The following DUS2 variants were observed in gnomAD, a reference collection of about 807,000 sequenced individuals.
DUS2 encodes the protein dihydrouridine synthase 2.
DUS2 carries 52 observed loss-of-function variants against 71.3 expected under a neutral mutation model. The ratio of observed to expected loss-of-function variants is 0.73; its 90% CI spans 0.58 to 0.92. The LOEUF is 0.92. Ranked by LOEUF, DUS2 falls within the 40% of genes least tolerant of loss-of-function variation. The pLI, the probability that DUS2 is intolerant of heterozygous loss-of-function variation, is 0.00. For missense variants in DUS2, 558 were observed against 622.6 expected (o/e 0.90, Z 1.10); for synonymous variants, 204 against 227.8 (o/e 0.90, Z 0.94).
At chr16:68,030,948 T>C (rs2033428365) in intron 2 of DUS2, among the ~76,000 whole-genome samples, 1 of 152,106 alleles carries the variant, frequency 6.6e-6, no homozygotes, top group Non-Finnish European at 1.5e-5. Flanking sequence ...CTTGCTATGT[T>C]GCCCAGGCTG....
intron 8 of DUS2, among the ~76,000 whole-genome samples, chr16:68,061,653 A>G (rs1282054623): frequency 2.0e-5 from 3 of 152,190 alleles, no homozygotes; most frequent in Admixed American, 2.0e-4. Flanking sequence ...GTGATTCTGT[A>G]GGCTAGCTTA....
At chr16:68,054,012 TA>T (rs2033815548) in intron 5 of DUS2, 2 of 213,540 alleles carry the variant, frequency 9.4e-6, no homozygotes, top group African/African-American at 4.6e-5. Flanking sequence ...CATAGAAAAA[TA>T]TTAGGATTTT....
In DUS2 at chr16:68,075,485, A is replaced by G. The variant is rs1034878356; in HGVS notation, c.1063A>G (p.Met355Val). 6.2e-7 allele frequency: 1 copy of G among 1,612,664 alleles called. No homozygotes were observed. The highest frequency in any genetic ancestry group is 1.7e-5 in the Admixed American group (1 of 59,858). The change falls in exon 14 of 17, where the codon ATG (methionine) becomes GTG (valine). Residue 355 changes from methionine (M) to valine (V), a missense_variant. Transcript: ENST00000565263. ...PAEDTSGVIK[M>V]AVKFDRRAYP... ...TGAAGATACCTCTGGTGTCATTAAG[A>G]TGGCTGTCAAGTTTGACCGGTAGGT...
chr16:68,023,526 C>T, intron 1 of DUS2, 175 bp downstream of exon 1: 1 of 369,064 alleles, frequency 2.7e-6, no homozygotes, highest in East Asian at 5.3e-5. Flanking sequence ...CTGGGATTCT[C>T]TTTAGTTGTT....
At chr16:68,076,854 G>A (rs2034165215) in intron 15 of DUS2, 135 bp downstream of exon 15, 3 of 590,016 alleles carry the variant, frequency 5.1e-6, no homozygotes, top group Admixed American at 6.4e-5. Context: ...GGCCAGGTCA[G>A]TTGCTGATAG....
chr16:68,058,116 A>C (rs1347777574), intron 7 of DUS2, among the ~76,000 whole-genome samples: 1 of 151,894 alleles, frequency 6.6e-6, no homozygotes, highest in African/African-American at 2.4e-5. Context: ...GAGTAGCCCG[A>C]TTTGACCAGA....
chr16:68,049,247 G>A (rs2418740), intron 3 of DUS2, among the ~76,000 whole-genome samples: 5,849 of 152,186 alleles, frequency 0.038, 370 homozygotes, highest in African/African-American at 0.13. Flanking sequence ...TTGTCTTTCT[G>A]GCTAAGTGGT....
In DUS2 at chr16:68,061,022, G is replaced by GCC. The variant is rs753703445; in HGVS notation, c.370-44_370-43insCC. On this transcript the variant is annotated intron_variant, in intron 7 of 16. Transcript: ENST00000565263. ...ACCCCATCCCATGGAGAGGGCCATA[G>GCC]TGTCTCCCAGATGTAAGAAGACCTT... 2.5e-6 allele frequency: 4 copies of GCC among 1,601,188 alleles called. No individual in the cohort carries two copies. In the Admixed American group the frequency reaches 6.7e-5, roughly 27 times the overall value.
chr16:68,075,323 G>A (rs747615082), intron 13 of DUS2, 32 bp from the exon 14 acceptor site: 1 of 1,556,510 alleles, frequency 6.4e-7, no homozygotes. Flanking sequence ...CTCCGCTAAA[G>A]TGTTTGCTCT....
At chr16:68,054,661 T>C (rs1329238319) in intron 6 of DUS2, 44 bp downstream of exon 6, 7 of 1,610,904 alleles carry the variant, frequency 4.3e-6, no homozygotes, top group South Asian at 1.1e-5. Context: ...GCCTCTCCTT[T>C]GAGCTGTGAG....
At chr16:68,055,147 T>C (rs1257433372) in intron 6 of DUS2, among the ~76,000 whole-genome samples, 3 of 152,130 alleles carry the variant, frequency 2.0e-5, no homozygotes, top group Admixed American at 1.3e-4. Flanking sequence ...TCTATGCATA[T>C]TGGGGGGAGC....
Position 68,040,241 on chromosome 16 carries a change from T to C in DUS2, c.126+2092T>C, listed in dbSNP as rs752310140. 4.2e-4 allele frequency among the ~76,000 whole-genome samples: 64 copies of C among 152,208 alleles called. 1 individual carries two copies. Among genetic ancestry groups the C allele is most frequent in the Middle Eastern group, 3.4e-3 (1 of 294 alleles). On this transcript the variant is annotated intron_variant, in intron 3 of 16. Coordinates refer to ENST00000565263, the MANE Select transcript of DUS2 (RefSeq NM_017803.5). ...CTGGGATCACAGGTGCCCGCCTCCA[T>C]GTCCAGCTAATTTTTGTATTTAGTA...
intron 7 of DUS2, among the ~76,000 whole-genome samples, chr16:68,060,615 A>G (rs2033925801): frequency 6.6e-6 from 1 of 152,166 alleles, no homozygotes; most frequent in Non-Finnish European, 1.5e-5. Flanking sequence ...CGCCCAGCCT[A>G]TACATTTTAA....
At chr16:68,066,720 T>G in intron 10 of DUS2, 84 bp downstream of exon 10, 1 of 1,362,144 alleles carries the variant, frequency 7.3e-7, no homozygotes. Flanking sequence ...TCACCCCAAG[T>G]GACAGCCAAT....
intron 7 of DUS2, among the ~76,000 whole-genome samples, chr16:68,060,378 A>G (rs964304409): frequency 1.3e-5 from 2 of 152,010 alleles, no homozygotes; most frequent in Admixed American, 1.3e-4. Flanking sequence ...CAGTGGTGCA[A>G]TCTCGGCTCA....
chr16:68,067,287 CCTCCTCTCCT>C (rs1162453551), intron 10 of DUS2, among the ~76,000 whole-genome samples: 1 of 55,988 alleles, frequency 1.8e-5, no homozygotes, highest in Non-Finnish European at 3.7e-5. Flanking sequence ...TCTCCTCTCC[CCTCCTCTCCT>C]CTCCTCCTCT....
At chr16:68,076,157 C>T (rs1306644988) in intron 14 of DUS2, among the ~76,000 whole-genome samples, 1 of 152,212 alleles carries the variant, frequency 6.6e-6, no homozygotes, top group Non-Finnish European at 1.5e-5. Flanking sequence ...CTGTCACAGG[C>T]TGACTCTGAA....
intron 2 of DUS2, among the ~76,000 whole-genome samples, chr16:68,032,363 C>G (rs1010743040): frequency 1.3e-5 from 2 of 152,194 alleles, no homozygotes; most frequent in African/African-American, 2.4e-5. Context: ...TAAGCAGCCA[C>G]ACTCCTGTTC....
intron 3 of DUS2, among the ~76,000 whole-genome samples, chr16:68,041,611 G>A (rs907515778): frequency 6.6e-6 from 1 of 151,976 alleles, no homozygotes; most frequent in Non-Finnish European, 1.5e-5. Flanking sequence ...TCAGGAGTTC[G>A]AGACTAGCCT....
Sources: gnomAD v4.1 joint callset for allele counts (sites outside exome capture counted in the v4.1 genomes callset) on GRCh38, gnomAD v4.1.1 for gene constraint, MANE v1.5 for transcripts, NCBI Gene and HGNC (gene_info 2026-07-23, HGNC 2026-07-21) for gene names.